Variants in NRG1 observed in about 807,000 individuals in gnomAD.
The protein encoded by NRG1 is neuregulin 1.
NRG1 carries 18 observed loss-of-function variants against 63.8 expected under a neutral mutation model. The ratio of observed to expected loss-of-function variants is 0.28; its 90% CI spans 0.19 to 0.42. NRG1 has a LOEUF of 0.42. Ranked by LOEUF, NRG1 falls within the 10% of genes least tolerant of loss-of-function variation. The probability of loss-of-function intolerance (pLI) is 1.00; values close to 1 mark genes in which losing one functional copy is unlikely to be tolerated. For synonymous variants in NRG1, 302 were observed against 301.3 expected (o/e 1.00, Z -0.02); for missense variants, 762 against 814.7 (o/e 0.94, Z 0.79).
intron 1 of NRG1, among the ~76,000 whole-genome samples, chr8:32,074,448 A>G (rs1422594366): frequency 6.6e-6 from 1 of 152,202 alleles, no homozygotes; most frequent in East Asian, 1.9e-4. Flanking sequence ...TTGCAGATCA[A>G]AGGATATGGT....
intron 1 of NRG1, among the ~76,000 whole-genome samples, chr8:32,162,970 T>G (rs1044729321): frequency 6.6e-6 from 1 of 152,224 alleles, no homozygotes; most frequent in East Asian, 1.9e-4. Flanking sequence ...TCCTGACACT[T>G]CTTTCCAGCT....
rs187790992 is a variant in NRG1, at chr8:31,799,529, A to T, written c.37+160098A>T. 2.3e-3 allele frequency among the ~76,000 whole-genome samples: 346 copies of T among 152,254 alleles called. 1 individual carries two copies. The highest frequency in any genetic ancestry group is 0.01 in the Middle Eastern group (3 of 294). The stretch of plus-strand genomic sequence containing the variant: ...ATTCACAGTATCCATGATTCCAACC[A>T]GTTAACATGTTGGTATATTTCTTTC... On this transcript the variant is annotated intron_variant, in intron 1 of 10. Coordinates refer to the NRG1 transcript ENST00000519301.
At chr8:32,056,722 G>C (rs1239666903) in intron 1 of NRG1, among the ~76,000 whole-genome samples, 1 of 152,134 alleles carries the variant, frequency 6.6e-6, no homozygotes, top group Non-Finnish European at 1.5e-5. Context: ...ATTTCCTGAA[G>C]TGGCAAAAAT....
chr8:31,820,286 A>C (rs769141169), intron 1 of NRG1, among the ~76,000 whole-genome samples: 7 of 152,172 alleles, frequency 4.6e-5, no homozygotes, highest in Non-Finnish European at 8.8e-5. Context: ...CTTGGAGCTT[A>C]CACAGGGCAG....
At chr8:32,243,868 G>A (rs1848365347) in intron 1 of NRG1, among the ~76,000 whole-genome samples, 1 of 152,068 alleles carries the variant, frequency 6.6e-6, no homozygotes, top group African/African-American at 2.4e-5. Flanking sequence ...AATGCAACAG[G>A]GAATGGCCAT....
At chr8:32,274,436 C>A (rs1851872905) in intron 1 of NRG1, among the ~76,000 whole-genome samples, 1 of 152,196 alleles carries the variant, frequency 6.6e-6, no homozygotes, top group Non-Finnish European at 1.5e-5. Flanking sequence ...ACTGTTTAGC[C>A]TTCAGGAGAC....
intron 1 of NRG1, among the ~76,000 whole-genome samples, chr8:32,538,104 G>A (rs1262799946): frequency 2.0e-5 from 3 of 151,974 alleles, no homozygotes; most frequent in Admixed American, 6.6e-5. Flanking sequence ...CACCTGCCTC[G>A]GCCTCCTAAA....
intron 1 of NRG1, among the ~76,000 whole-genome samples, chr8:31,824,733 A>T (rs1824366743): frequency 6.6e-6 from 1 of 152,218 alleles, no homozygotes; most frequent in Non-Finnish European, 1.5e-5. Context: ...GTTATGTGTA[A>T]TAAGAAACAA....
At chr8:31,897,383 C>T (rs914339449) in intron 1 of NRG1, among the ~76,000 whole-genome samples, 6 of 152,124 alleles carry the variant, frequency 3.9e-5, no homozygotes, top group Non-Finnish European at 5.9e-5. Context: ...ATAGTATCAC[C>T]TGACAGATAG....
chr8:32,593,830 C>T (rs1286847120), intron 1 of NRG1, among the ~76,000 whole-genome samples: 1 of 88,734 alleles, frequency 1.1e-5, no homozygotes, highest in Non-Finnish European at 2.4e-5. Flanking sequence ...GAAAGCTCTT[C>T]AGAAAAAAAT....
At chr8:31,714,242 A>C (rs1442557311) in intron 1 of NRG1, among the ~76,000 whole-genome samples, 1 of 152,038 alleles carries the variant, frequency 6.6e-6, no homozygotes, top group Admixed American at 6.6e-5. Context: ...TGTAATACCC[A>C]GCAAGTGGAA....
intron 5 of NRG1, among the ~76,000 whole-genome samples, chr8:32,718,368 G>A (rs1450792973): frequency 2.0e-5 from 3 of 152,230 alleles, no homozygotes; most frequent in Non-Finnish European, 4.4e-5. Flanking sequence ...TCCTGAATAT[G>A]ATCCCTATTC....
intron 1 of NRG1, among the ~76,000 whole-genome samples, chr8:31,962,488 A>C (rs1173956351): frequency 6.6e-6 from 1 of 152,204 alleles, no homozygotes; most frequent in African/African-American, 2.4e-5. Flanking sequence ...TCCTTTATGA[A>C]GAGATGCTCA....
chr8:32,168,956 A>G (rs1022314203), intron 1 of NRG1, among the ~76,000 whole-genome samples: 2 of 152,166 alleles, frequency 1.3e-5, no homozygotes, highest in African/African-American at 4.8e-5. Flanking sequence ...GAAGCCTCCC[A>G]TCTAATGCTG....
chr8:32,114,842 G>T (rs1296156083), intron 1 of NRG1, among the ~76,000 whole-genome samples: 1 of 152,110 alleles, frequency 6.6e-6, no homozygotes, highest in Non-Finnish European at 1.5e-5. Flanking sequence ...TACTGGTGCT[G>T]GTTTTGAGCA....
chr8:32,159,171 C>T (rs899550028), intron 1 of NRG1, among the ~76,000 whole-genome samples: 2 of 152,202 alleles, frequency 1.3e-5, no homozygotes, highest in East Asian at 3.9e-4. Context: ...AGTAGCTTAG[C>T]CACGATCGTA....
At chr8:31,672,536 C>T (rs554387547) in intron 1 of NRG1, among the ~76,000 whole-genome samples, 2 of 151,800 alleles carry the variant, frequency 1.3e-5, no homozygotes, top group South Asian at 2.1e-4. Context: ...GTTTTAGAAC[C>T]CATGTACAGG....
intron 1 of NRG1, among the ~76,000 whole-genome samples, chr8:31,901,121 A>G (rs776382): frequency 0.32 from 48,882 of 152,108 alleles, 8,244 homozygotes; most frequent in East Asian, 0.68. Flanking sequence ...AGCATTAATC[A>G]TGAAGATGAA....
chr8:32,409,904 G>A (rs1002680740), intron 1 of NRG1, among the ~76,000 whole-genome samples: 1 of 152,138 alleles, frequency 6.6e-6, no homozygotes, highest in Non-Finnish European at 1.5e-5. Flanking sequence ...TTCTCCCAGC[G>A]AGAGAATCTC....
Sources: gnomAD v4.1 joint callset for allele counts (sites outside exome capture counted in the v4.1 genomes callset) on GRCh38, gnomAD v4.1.1 for gene constraint, MANE v1.5 for transcripts, NCBI Gene and HGNC (gene_info 2026-07-23, HGNC 2026-07-21) for gene names.